The following PIGG variants were observed in gnomAD, a reference collection of about 807,000 sequenced individuals.
The protein encoded by PIGG is GPI ethanolamine phosphate transferase 2, catalytic subunit.
A neutral mutation model predicts 83.2 loss-of-function variants in PIGG; 70 were observed. That is an observed-to-expected ratio of 0.84 (90% CI 0.69 to 1.03). The LOEUF is 1.03. Among genes scored for constraint, PIGG ranks in the 50% least tolerant of loss-of-function variants. The pLI is 0.00. For synonymous variants in PIGG, 532 were observed against 519.5 expected, an observed-to-expected ratio of 1.02 and a Z score of -0.33; for missense variants, 1,257 against 1,233.6, an observed-to-expected ratio of 1.02 and a Z score of -0.28.
At chr4:519,977 T>C (rs4365672) in intron 6 of PIGG, among the ~76,000 whole-genome samples, 26,340 of 126,062 alleles carry the variant, frequency 0.21, 3,020 homozygotes, top group African/African-American at 0.37. Context: ...CAGTCGGGTG[T>C]GCTTGCAGGC....
intron 1 of PIGG, chr4:499,954 C>T: frequency 4.5e-6 from 1 of 222,062 alleles, no homozygotes; most frequent in Non-Finnish European, 8.9e-6. Context: ...AGGCCTCTTC[C>T]TAGGCTTCAC....
chr4:522,105 C>G, intron 8 of PIGG, 164 bp downstream of exon 8: 2 of 721,994 alleles, frequency 2.8e-6, no homozygotes, highest in Non-Finnish European at 2.4e-6. Flanking sequence ...CGTGGAGCAG[C>G]CTTATCCCAG....
intron 11 of PIGG, 131 bp from the exon 12 acceptor site, chr4:533,687 C>T (rs1729636819): frequency 6.2e-6 from 5 of 800,948 alleles, no homozygotes; most frequent in Non-Finnish European, 1.0e-5. Flanking sequence ...TCTGACCACA[C>T]GTGTGTCCGT....
chr4:526,441 CT>C (rs1318768280), intron 9 of PIGG, among the ~76,000 whole-genome samples: 2 of 152,272 alleles, frequency 1.3e-5, no homozygotes, highest in African/African-American at 4.8e-5. Flanking sequence ...GCTCTGCCCT[CT>C]GACAGGCCGT....
Position 533,842 on chromosome 4 carries a change from G to T in PIGG, c.2596G>T (p.Val866Leu), listed in dbSNP as rs140960241. 1 of 1,614,206 alleles carries T rather than the reference G, an allele frequency of 6.2e-7. No homozygotes were observed. Among genetic ancestry groups the T allele is most frequent in the Non-Finnish European group, 8.5e-7 (1 of 1,180,010 alleles). ...GGGCAACTCCAACAACATTGCCACC[G>T]TGGACATCTCCGCAGGCTTCGTGGG... Reference protein sequence around the residue: ...FQGNSNNIATVDISAGFVGLD... With the variant: ...FQGNSNNIATLDISAGFVGLD... Residue 866 changes from valine (V) to leucine (L), a missense_variant, in exon 12 of 13, where the codon GTG becomes TTG. Transcript: ENST00000453061.
intron 12 of PIGG, among the ~76,000 whole-genome samples, chr4:535,747 C>T (rs73794951): frequency 6.6e-6 from 1 of 152,158 alleles, no homozygotes; most frequent in African/African-American, 2.4e-5. Flanking sequence ...AGCATCTGCA[C>T]GTTTCTGTGG....
Position 521,942 on chromosome 4 carries a change from G to A in PIGG, c.1614+1G>A. 6.2e-7 allele frequency: 1 copy of A among 1,614,070 alleles called. No individual in the cohort carries two copies. On this transcript the variant is annotated splice_donor_variant, in intron 8 of 12. Transcript: ENST00000453061. LOFTEE classifies it high-confidence loss of function. ...CGTGGGTGGAAACACCCCAAGGAAG[G>A]TACGTACGGCTGGTTCCTGGGAGTG...
chr4:507,686 G>A, intron 4 of PIGG, 93 bp downstream of exon 4: 2 of 1,073,210 alleles, frequency 1.9e-6, no homozygotes, highest in Non-Finnish European at 2.7e-6. Context: ...CAGGGTGCCT[G>A]TGTGAATGTC....
At chr4:537,959 A>C (rs998453619) in intron 12 of PIGG, among the ~76,000 whole-genome samples, 1 of 151,904 alleles carries the variant, frequency 6.6e-6, no homozygotes, top group African/African-American at 2.4e-5. Flanking sequence ...GGCTGACAGG[A>C]CTGAGGAGCC....
rs1553880578 is a variant in PIGG at position 507,637 on chromosome 4, T to C, written c.759+44T>C. On this transcript the variant is annotated intron_variant, in intron 4 of 12. Transcript: ENST00000453061. The stretch of plus-strand genomic sequence containing the variant: ...CACTGTCTGCTGATGTGGTTTCACG[T>C]GGATGTTCCCTAGAATAAATGCAAC... The C allele has an allele frequency of 2.0e-6, 3 of 1,510,930 alleles. No homozygotes were observed. In the South Asian group the frequency reaches 3.6e-5, roughly 18 times the overall value. The allele number at this position is 1,510,930 out of a possible 1,614,324, so 93.6% of individuals were successfully genotyped here. A position where few individuals can be genotyped will look rare whatever the true frequency, so the allele number is the denominator to read the frequency against.
At chr4:526,042 C>G (rs1727502500) in intron 9 of PIGG, among the ~76,000 whole-genome samples, 1 of 152,018 alleles carries the variant, frequency 6.6e-6, no homozygotes, top group Non-Finnish European at 1.5e-5. Context: ...CATGCAAGAG[C>G]CACCCCCAAC....
intron 5 of PIGG, among the ~76,000 whole-genome samples, chr4:511,136 A>G (rs1560296801): frequency 6.6e-6 from 1 of 152,068 alleles, no homozygotes; most frequent in African/African-American, 2.4e-5. Flanking sequence ...TCTACTAAAA[A>G]TACAAAATTG....
At position 521,300 on chromosome 4, in the gene PIGG, C is replaced by T. The variant is rs371741966; in HGVS notation, c.1332+27C>T. On this transcript the variant is annotated intron_variant, in intron 7 of 12. Transcript: ENST00000453061. Reference sequence around the variant, plus strand: ...TACAGATGCTCACACAGTCATGGCTCAGGTGTTGCATTGATTTGATAACTC... The same window carrying T: ...TACAGATGCTCACACAGTCATGGCTTAGGTGTTGCATTGATTTGATAACTC... 17 of 1,496,430 alleles carry T rather than the reference C, an allele frequency of 1.1e-5. No individual in the cohort carries two copies. In the Admixed American group the frequency reaches 1.7e-4, roughly 15 times the overall value. The allele number at this position is 1,496,430 out of a possible 1,614,324, so 92.7% of individuals were successfully genotyped here.
chr4:538,400 C>G (rs1339909766), intron 12 of PIGG, among the ~76,000 whole-genome samples: 3 of 152,156 alleles, frequency 2.0e-5, no homozygotes, highest in Admixed American at 1.3e-4. Flanking sequence ...GCCAGTGTCC[C>G]CAGACCAGAC....
chr4:520,494 G>A (rs1725472588), intron 6 of PIGG, among the ~76,000 whole-genome samples: 1 of 151,878 alleles, frequency 6.6e-6, no homozygotes, highest in African/African-American at 2.4e-5. Context: ...TCTTTCCAAA[G>A]AGGTTGTAAG....
rs1723463276 is a variant in PIGG, at chr4:515,303, A to G, written c.902-670A>G. Among the ~76,000 whole-genome samples the G allele has an allele frequency of 6.6e-6, 1 of 152,258 alleles. No homozygotes were observed. The stretch of plus-strand genomic sequence containing the variant: ...CTCCGAAATCATAGTGGATGGTGGC[A>G]GAGCAGTGGCCTAGGCCCATGGTGC... On this transcript the variant is annotated intron_variant, in intron 5 of 12. Transcript: ENST00000453061. The surrounding 1 kb of genome is among the most constrained non-coding windows in gnomAD (Gnocchi z 4.2).
intron 9 of PIGG, 59 bp downstream of exon 9, chr4:523,972 C>A: frequency 9.1e-7 from 1 of 1,104,962 alleles, no homozygotes; most frequent in Non-Finnish European, 1.3e-6. Flanking sequence ...GGTCACCTGC[C>A]AAGCTCTTCT....
At chr4:506,826 T>C (rs1048391538) in intron 3 of PIGG, 5 of 456,160 alleles carry the variant, frequency 1.1e-5, no homozygotes, top group Non-Finnish European at 2.2e-5. Context: ...CACATGTAGA[T>C]GCCCTCAGCT....
At chr4:506,861 C>T (rs989111029) in intron 3 of PIGG, 56 of 453,392 alleles carry the variant, frequency 1.2e-4, no homozygotes, top group Non-Finnish European at 1.7e-4. Context: ...GTTACTTTAA[C>T]GCTGGGTACT....
Sources: gnomAD v4.1 joint callset for allele counts (sites outside exome capture counted in the v4.1 genomes callset) on GRCh38, gnomAD v4.1.1 for gene constraint, Gnocchi (gnomAD v3.1) non-coding constraint, MANE v1.5 for transcripts, NCBI Gene and HGNC (gene_info 2026-07-23, HGNC 2026-07-21) for gene names.